LRP1B: variants seen among roughly 807,000 people sequenced by gnomAD.
LRP1B encodes low-density lipoprotein receptor-related protein 1B.
Under a neutral mutation model 556.6 loss-of-function variants are expected in LRP1B, and 217 were observed. That is an observed-to-expected ratio of 0.39 (90% CI 0.35 to 0.44). The LOEUF (loss-of-function observed/expected upper bound fraction) is 0.44, where lower values mean the gene tolerates loss of function less well. Among genes scored for constraint, LRP1B ranks in the 20% least tolerant of loss-of-function variants. The pLI is 1.00. For missense variants in LRP1B, 5,053 were observed against 5,620.8 expected, an observed-to-expected ratio of 0.90 and a Z score of 3.23; for synonymous variants, 2,047 against 1,865.8, an observed-to-expected ratio of 1.10 and a Z score of -2.50.
intron 17 of LRP1B, among the ~76,000 whole-genome samples, chr2:140,985,267 TCTA>T (rs3841861): frequency 0.43 from 65,427 of 151,216 alleles, 15,191 homozygotes; most frequent in East Asian, 0.61. Context: ...ATCAAAGCAT[TCTA>T]CTTAGTTTTA....
intron 2 of LRP1B, among the ~76,000 whole-genome samples, chr2:141,795,897 T>TATAC (rs1553465414): frequency 2.6e-5 from 2 of 78,056 alleles, no homozygotes; most frequent in Non-Finnish European, 5.4e-5. Context: ...TATATATATA[T>TATAC]ATAATCTTTA....
At chr2:140,475,408 T>G in intron 59 of LRP1B, 71 bp from the exon 60 acceptor site, 4 of 1,193,904 alleles carry the variant, frequency 3.4e-6, no homozygotes, top group Non-Finnish European at 4.7e-6. Flanking sequence ...AATATATTAC[T>G]TTTTTGCTCA....
intron 2 of LRP1B, among the ~76,000 whole-genome samples, chr2:141,542,636 G>T (rs1401442158): frequency 1.3e-5 from 2 of 152,074 alleles, no homozygotes; most frequent in African/African-American, 4.8e-5. Context: ...AGTATTGCAG[G>T]ATAATGTGGA....
chr2:140,631,241 T>C (rs1203037850), intron 41 of LRP1B, among the ~76,000 whole-genome samples: 1 of 152,118 alleles, frequency 6.6e-6, no homozygotes, highest in Admixed American at 6.5e-5. Context: ...ACCTGATACA[T>C]CATGTCTAGC....
intron 81 of LRP1B, among the ~76,000 whole-genome samples, chr2:140,323,551 T>C (rs1039118901): frequency 6.6e-5 from 10 of 151,942 alleles, no homozygotes; most frequent in African/African-American, 2.4e-4. Flanking sequence ...CATGTATACA[T>C]ATGTAACAAA....
chr2:140,753,688 C>T (rs982502749), intron 35 of LRP1B, among the ~76,000 whole-genome samples: 2 of 152,160 alleles, frequency 1.3e-5, no homozygotes, highest in Non-Finnish European at 2.9e-5. Flanking sequence ...AATACTATTA[C>T]TGCTTCCTCC....
intron 41 of LRP1B, among the ~76,000 whole-genome samples, chr2:140,656,981 CTAAGT>C (rs967902030): frequency 7.9e-5 from 12 of 152,010 alleles, no homozygotes; most frequent in Non-Finnish European, 1.2e-4. Context: ...ACAAAACAGA[CTAAGT>C]TAAAAGTGGT....
intron 3 of LRP1B, among the ~76,000 whole-genome samples, chr2:141,449,113 T>A (rs982988341): frequency 2.5e-4 from 38 of 152,246 alleles, no homozygotes; most frequent in Non-Finnish European, 4.7e-4. Flanking sequence ...CATTACCTTT[T>A]TTGTTAAATC....
At chr2:142,022,823 A>G (rs963322173) in intron 1 of LRP1B, among the ~76,000 whole-genome samples, 1 of 152,078 alleles carries the variant, frequency 6.6e-6, no homozygotes, top group Non-Finnish European at 1.5e-5. Context: ...GGTGCGTGCC[A>G]TCACGCCCGG....
intron 2 of LRP1B, among the ~76,000 whole-genome samples, chr2:141,684,226 GGATA>G (rs1691211204): frequency 6.6e-6 from 1 of 152,082 alleles, no homozygotes; most frequent in Non-Finnish European, 1.5e-5. Flanking sequence ...ATTATAGAAT[GGATA>G]AAGAAAATGT....
At chr2:141,822,120 C>CAGAGAGAGAG (rs1452163408) in intron 1 of LRP1B, among the ~76,000 whole-genome samples, 80 of 103,360 alleles carry the variant, frequency 7.7e-4, no homozygotes, top group African/African-American at 2.8e-3. Flanking sequence ...CACACACACA[C>CAGAGAGAGAG]ACACACACAC....
chr2:141,147,115 C>T (rs181929037), intron 7 of LRP1B, among the ~76,000 whole-genome samples: 3 of 152,284 alleles, frequency 2.0e-5, no homozygotes, highest in African/African-American at 7.2e-5. Context: ...TTTTCTGGAA[C>T]ATGCTGCATT....
chr2:141,059,468 T>C (rs1699278306), intron 8 of LRP1B, among the ~76,000 whole-genome samples: 1 of 151,790 alleles, frequency 6.6e-6, no homozygotes, highest in South Asian at 2.1e-4. Context: ...TAGCTCTCCC[T>C]GTGAAAAGAC....
chr2:140,903,295 T>G, intron 22 of LRP1B, 130 bp from the exon 23 acceptor site: 1 of 1,071,970 alleles, frequency 9.3e-7, no homozygotes, highest in Non-Finnish European at 1.3e-6. Flanking sequence ...AAAGCCCTCT[T>G]TGGCTTATTT....
chr2:140,673,950 T>G (rs1485138527), intron 41 of LRP1B, among the ~76,000 whole-genome samples: 1 of 150,630 alleles, frequency 6.6e-6, no homozygotes, highest in Non-Finnish European at 1.5e-5. Context: ...TTTTCTTTTT[T>G]TTTTTTTTCT....
At chr2:141,190,368 CT>C (rs1681455357) in intron 6 of LRP1B, among the ~76,000 whole-genome samples, 1 of 151,908 alleles carries the variant, frequency 6.6e-6, no homozygotes, top group Admixed American at 6.6e-5. Flanking sequence ...AAGCAAAGTT[CT>C]TTTTGCCCCT....
At chr2:141,188,616 C>T (rs754074773) in intron 6 of LRP1B, 33 bp from the exon 7 acceptor site, 1 of 1,589,326 alleles carries the variant, frequency 6.3e-7, no homozygotes, top group Non-Finnish European at 8.6e-7. Flanking sequence ...CATTGAATCA[C>T]AGGTGCAATC....
chr2:140,643,143 A>T (rs1684363052), intron 41 of LRP1B, among the ~76,000 whole-genome samples: 1 of 152,174 alleles, frequency 6.6e-6, no homozygotes, highest in African/African-American at 2.4e-5. Context: ...ATTATAAAAT[A>T]AATGAAATTG....
At chr2:142,103,289 C>A (rs764065789) in intron 1 of LRP1B, among the ~76,000 whole-genome samples, 38 of 151,718 alleles carry the variant, frequency 2.5e-4, no homozygotes, top group Non-Finnish European at 4.3e-4. Flanking sequence ...GCATAAACTT[C>A]TTTTCTTATT....
Sources: allele counts gnomAD v4.1 joint callset (sites outside exome capture counted in the v4.1 genomes callset), GRCh38; gene constraint gnomAD v4.1.1; transcripts MANE v1.5; gene names NCBI Gene and HGNC (gene_info 2026-07-23, HGNC 2026-07-21).